DSCAM: variants seen among roughly 807,000 people sequenced by gnomAD.
The protein encoded by DSCAM is DS cell adhesion molecule.
In DSCAM, 47 loss-of-function variants were observed where a neutral mutation model predicts 217.7. The ratio of observed to expected loss-of-function variants is 0.22; its 90% CI spans 0.17 to 0.28. The LOEUF is 0.28. Ranked by LOEUF, DSCAM falls within the 10% of genes least tolerant of loss-of-function variation. The pLI is 1.00. For missense variants in DSCAM, 2,080 were observed against 2,618.3 expected, an observed-to-expected ratio of 0.79 and a Z score of 4.49; for synonymous variants, 1,056 against 1,015.3, an observed-to-expected ratio of 1.04 and a Z score of -0.76.
intron 11 of DSCAM, among the ~76,000 whole-genome samples, chr21:40,216,524 T>C (rs571527105): frequency 1.3e-5 from 2 of 152,210 alleles, no homozygotes; most frequent in African/African-American, 2.4e-5. Context: ...ATAGAAATCA[T>C]AGGCTTATCT....
At chr21:40,522,026 T>C (rs1158427219) in intron 3 of DSCAM, among the ~76,000 whole-genome samples, 2 of 152,152 alleles carry the variant, frequency 1.3e-5, no homozygotes, top group African/African-American at 4.8e-5. Flanking sequence ...TAAAAATGCA[T>C]AGGACAGTTC....
At chr21:40,346,158 A>G (rs1159728319) in intron 6 of DSCAM, among the ~76,000 whole-genome samples, 1 of 152,230 alleles carries the variant, frequency 6.6e-6, no homozygotes, top group African/African-American at 2.4e-5. Flanking sequence ...GTGACTATGT[A>G]AGGACTAGAG....
chr21:40,154,335 C>T (rs1568971287), intron 16 of DSCAM, among the ~76,000 whole-genome samples: 1 of 152,018 alleles, frequency 6.6e-6, no homozygotes, highest in Admixed American at 6.6e-5. Context: ...TCACTGCAGC[C>T]TCAACCACCC....
At chr21:40,214,743 A>C (rs897201167) in intron 11 of DSCAM, among the ~76,000 whole-genome samples, 8,790 of 151,282 alleles carry the variant, frequency 0.058, 511 homozygotes, top group African/African-American at 0.12. Flanking sequence ...AGCAAAAAAA[A>C]AAAAAAAAAC....
intron 1 of DSCAM, among the ~76,000 whole-genome samples, chr21:40,733,987 G>C (rs1236473023): frequency 1.3e-5 from 2 of 152,094 alleles, no homozygotes; most frequent in African/African-American, 4.8e-5. Flanking sequence ...AGGGAGCTGG[G>C]GTGTCTTGGC....
At chr21:40,434,660 T>C (rs983782347) in intron 3 of DSCAM, among the ~76,000 whole-genome samples, 2 of 152,118 alleles carry the variant, frequency 1.3e-5, no homozygotes, top group African/African-American at 4.8e-5. Context: ...GCACCTCAAT[T>C]ATAATTGCAA....
intron 3 of DSCAM, among the ~76,000 whole-genome samples, chr21:40,590,720 A>G (rs2076978127): frequency 6.6e-6 from 1 of 152,168 alleles, no homozygotes; most frequent in Admixed American, 6.5e-5. Flanking sequence ...GTAACTTTTG[A>G]ACATTATCTC....
intron 32 of DSCAM, among the ~76,000 whole-genome samples, chr21:40,036,054 G>C (rs2088616555): frequency 7.8e-6 from 1 of 127,762 alleles, no homozygotes; most frequent in Admixed American, 7.8e-5. Context: ...ATGCCCACAA[G>C]AGAAAGCAGG....
intron 15 of DSCAM, among the ~76,000 whole-genome samples, chr21:40,172,250 C>T (rs991935941): frequency 5.9e-5 from 9 of 152,316 alleles, no homozygotes; most frequent in African/African-American, 1.9e-4. Context: ...GTCTGGGCAA[C>T]AGAGCAAGAC....
intron 1 of DSCAM, among the ~76,000 whole-genome samples, chr21:40,814,511 T>TA (rs2091864602): frequency 6.6e-6 from 1 of 152,230 alleles, no homozygotes; most frequent in Admixed American, 6.5e-5. Context: ...ATAGCTATTT[T>TA]AAATGCTCAC....
intron 1 of DSCAM, among the ~76,000 whole-genome samples, chr21:40,830,113 G>C (rs995880250): frequency 6.6e-6 from 1 of 152,172 alleles, no homozygotes; most frequent in African/African-American, 2.4e-5. Context: ...TATAAAGAAA[G>C]GCGGTTTCAT....
intron 19 of DSCAM, among the ~76,000 whole-genome samples, chr21:40,126,293 G>A (rs1341039771): frequency 1.3e-5 from 2 of 148,740 alleles, no homozygotes; most frequent in African/African-American, 2.5e-5. Context: ...AGGAAGGAGG[G>A]AAGGAAGAAG....
At position 40,670,536 on chromosome 21, in the gene DSCAM, CA is replaced by C. The variant is rs56321584; in HGVS notation, c.508+22273del. On this transcript the variant is annotated intron_variant, in intron 3 of 32. Transcript: ENST00000400454. ...CTGGTGACAGAGCGAGACTCCGTCTCAAAAAAAAAAAAAAGTGACTACTTTA... is the reference window on the plus strand; with the variant it reads ...CTGGTGACAGAGCGAGACTCCGTCTCAAAAAAAAAAAAAGTGACTACTTTA... Among the ~76,000 whole-genome samples, 279 of 136,102 alleles carry C rather than the reference CA, an allele frequency of 2.0e-3. 7 individuals are homozygous for C. The highest frequency in any genetic ancestry group is 4.0e-3 in the Middle Eastern group (1 of 252). 89.3% of individuals were successfully genotyped at this position (136,102 alleles called of 152,430 possible). A position where few individuals can be genotyped will look rare whatever the true frequency, so the allele number is the denominator to read the frequency against.
rs142815534 is a variant in DSCAM, at chr21:40,253,660, G to A, written c.2356+22437C>T. 1.1e-3 allele frequency among the ~76,000 whole-genome samples: 163 copies of A among 152,280 alleles called. 2 individuals carry two copies. Among genetic ancestry groups the A allele is most frequent in the African/African-American group, 3.8e-3 (157 of 41,564 alleles). ...TGTGGCCAATGATTTAATCAATCACGCCTCCGTAATAAAACTTAGATAAAA... is the reference window on the plus strand; with the variant it reads ...TGTGGCCAATGATTTAATCAATCACACCTCCGTAATAAAACTTAGATAAAA... On this transcript the variant is annotated intron_variant, in intron 11 of 32. Coordinates refer to ENST00000400454, the MANE Select transcript of DSCAM (RefSeq NM_001389.5).
At chr21:40,143,322 T>C (rs2090314921) in intron 17 of DSCAM, among the ~76,000 whole-genome samples, 4 of 152,220 alleles carry the variant, frequency 2.6e-5, no homozygotes, top group Admixed American at 2.6e-4. Context: ...AAATACTGGC[T>C]GAGACACGCA....
chr21:40,355,023 G>A (rs938272169), intron 4 of DSCAM, among the ~76,000 whole-genome samples: 3 of 152,042 alleles, frequency 2.0e-5, no homozygotes, highest in Non-Finnish European at 4.4e-5. Context: ...CAGAGTTAGG[G>A]ACTAAAGGGA....
Position 40,353,542 on chromosome 21 carries a change from G to A in DSCAM, c.857C>T (p.Ser286Leu), listed in dbSNP as rs777330549. 29 of 1,612,114 alleles carry A rather than the reference G, an allele frequency of 1.8e-5. No homozygotes were observed. Among genetic ancestry groups the A allele is most frequent in the South Asian group, 2.2e-5 (2 of 90,604 alleles). Residue 286 changes from serine to leucine, a missense_variant, in exon 5 of 33, where the codon TCG becomes TTG. Coordinates refer to ENST00000400454, the MANE Select transcript of DSCAM (RefSeq NM_001389.5). ...TGLLIENIRP[S>L]DSGSYVCEVS... ...TTCACAAACATAGCTGCCTGAGTCC[G>A]AGGGGCGAATGTTCTCAATGAGCAG...
chr21:40,456,774 T>C (rs368952064), intron 3 of DSCAM, among the ~76,000 whole-genome samples: 5 of 152,178 alleles, frequency 3.3e-5, no homozygotes, highest in Non-Finnish European at 7.4e-5. Context: ...CATATATTGA[T>C]TGTACAATCC....
In DSCAM at chr21:40,514,129, C is replaced by T. The variant is rs979385709; in HGVS notation, c.509-144884G>A. On this transcript the variant is annotated intron_variant, in intron 3 of 32. Coordinates refer to ENST00000400454, the MANE Select transcript of DSCAM (RefSeq NM_001389.5). ...AAAAATGTGCCAAAATGAAAGCAAC[C>T]TCCCAAAACAATTTAAGAGAAACAG... Among the ~76,000 whole-genome samples, 12 of 152,126 alleles carry T rather than the reference C, an allele frequency of 7.9e-5. No individual in the cohort carries two copies. The South Asian group carries it at 2.5e-3, about 32-fold the overall frequency.
Sources: allele counts gnomAD v4.1 joint callset (sites outside exome capture counted in the v4.1 genomes callset), GRCh38; gene constraint gnomAD v4.1.1; transcripts MANE v1.5; gene names NCBI Gene and HGNC (gene_info 2026-07-23, HGNC 2026-07-21).